Variants in SPATA13 observed in about 807,000 individuals in gnomAD.
SPATA13 encodes the protein spermatogenesis associated 13.
Under a neutral mutation model 104.0 loss-of-function variants are expected in SPATA13, and 50 were observed. That is an observed-to-expected ratio of 0.48 (90% CI 0.38 to 0.61). The LOEUF (loss-of-function observed/expected upper bound fraction) is 0.61, where lower values mean the gene tolerates loss of function less well. Among genes scored for constraint, SPATA13 ranks in the 20% least tolerant of loss-of-function variants. The probability of loss-of-function intolerance (pLI) is 0.00; values close to 1 mark genes in which losing one functional copy is unlikely to be tolerated. For missense variants in SPATA13, 1,524 were observed against 1,690.6 expected (o/e 0.90, Z 1.73); for synonymous variants, 606 against 667.5 (o/e 0.91, Z 1.42).
In SPATA13 at chr13:24,189,676, ATATATT is replaced by A. The variant is rs1869416523; in HGVS notation, c.-112+28750_-112+28755del. 2.0e-4 allele frequency among the ~76,000 whole-genome samples: 2 copies of A among 9,862 alleles called. 1 individual carries two copies. Among genetic ancestry groups the A allele is most frequent in the Non-Finnish European group, 0.012 (2 of 164 alleles). The allele number at this position is 9,862 out of a possible 152,430, so 6.5% of individuals were successfully genotyped here. A position where few individuals can be genotyped will look rare whatever the true frequency, so the allele number is the denominator to read the frequency against. On this transcript the variant is annotated intron_variant, in intron 1 of 12. Transcript: ENST00000382108. The stretch of plus-strand genomic sequence containing the variant: ...TATATATTATATATTTATATATTAT[ATATATT>A]TATATATAATATATAATATATTATA...
chr13:23,980,203 G>GA (rs1450971243), intron 1 of SPATA13, among the ~76,000 whole-genome samples: 1 of 152,150 alleles, frequency 6.6e-6, no homozygotes, highest in Non-Finnish European at 1.5e-5. Context: ...AAGAAGAAAA[G>GA]AAAAGTTGCC....
chr13:24,098,317 G>T (rs935773146), intron 3 of SPATA13, among the ~76,000 whole-genome samples: 3 of 152,198 alleles, frequency 2.0e-5, no homozygotes, highest in African/African-American at 7.2e-5. Context: ...CAACACTTTG[G>T]GAGGCTGAGG....
exon 1 of SPATA13, chr13:23,979,892 C>T (rs1360098706): frequency 6.6e-6 from 1 of 152,324 alleles, no homozygotes; most frequent in African/African-American, 2.4e-5. Flanking sequence ...CCTCCAAGGA[C>T]CCTCTGAGGA....
intron 3 of SPATA13, among the ~76,000 whole-genome samples, chr13:24,142,637 C>G (rs1323587603): frequency 1.3e-5 from 2 of 152,088 alleles, no homozygotes; most frequent in African/African-American, 4.8e-5. Context: ...TCTTCAACAA[C>G]TTTTTTCCTC....
chr13:24,026,055 G>A (rs572780072), intron 3 of SPATA13, among the ~76,000 whole-genome samples: 6 of 151,918 alleles, frequency 3.9e-5, no homozygotes, highest in African/African-American at 7.3e-5. Flanking sequence ...CACCTGCCTC[G>A]GCCTTCTAAA....
chr13:24,006,565 G>C (rs886476807), intron 2 of SPATA13, among the ~76,000 whole-genome samples: 1 of 152,204 alleles, frequency 6.6e-6, no homozygotes, highest in Non-Finnish European at 1.5e-5. Flanking sequence ...AGGCCAGGCC[G>C]GCCCAAGTAC....
At chr13:24,158,211 A>G (rs998678404), upstream of SPATA13, among the ~76,000 whole-genome samples, 4 of 152,216 alleles carry the variant, frequency 2.6e-5, no homozygotes, top group African/African-American at 4.8e-5. Context: ...AAAGATCAGC[A>G]GAGAAGAAAA....
chr13:24,220,865 A>G (rs753148353), intron 1 of SPATA13, among the ~76,000 whole-genome samples: 2 of 152,228 alleles, frequency 1.3e-5, no homozygotes, highest in African/African-American at 2.4e-5. Context: ...CATCAAGAAC[A>G]TGGGGCGTAG....
intron 3 of SPATA13, among the ~76,000 whole-genome samples, chr13:24,146,934 T>A (rs1280641817): frequency 2.0e-5 from 3 of 151,910 alleles, no homozygotes; most frequent in Non-Finnish European, 2.9e-5. Flanking sequence ...CAGGCATGAT[T>A]TTTTTTTCCT....
chr13:24,166,755 G>A (rs375540443), intron 1 of SPATA13, among the ~76,000 whole-genome samples: 126 of 152,282 alleles, frequency 8.3e-4, no homozygotes, highest in African/African-American at 2.9e-3. Flanking sequence ...TATGCTTCCT[G>A]GAGGCTCTGA....
chr13:24,283,839 T>C (rs1487754987), intron 4 of SPATA13, among the ~76,000 whole-genome samples: 1 of 152,240 alleles, frequency 6.6e-6, no homozygotes, highest in African/African-American at 2.4e-5. Context: ...GTTGTTAATA[T>C]CCAGTTTGGA....
chr13:24,137,283 C>T (rs1337065875), intron 3 of SPATA13, among the ~76,000 whole-genome samples: 1 of 152,166 alleles, frequency 6.6e-6, no homozygotes, highest in African/African-American at 2.4e-5. Flanking sequence ...ACATGGGCTC[C>T]AGCCCTGGGT....
chr13:24,182,110 TTTTCCTCTTTAGGAAGGA>T (rs1373404507), intron 1 of SPATA13, among the ~76,000 whole-genome samples: 5 of 152,330 alleles, frequency 3.3e-5, no homozygotes, highest in African/African-American at 9.6e-5. Context: ...TTTGGTTTTG[TTTTCCTCTTTAGGAAGGA>T]TCCTTGCATG....
intron 3 of SPATA13, among the ~76,000 whole-genome samples, chr13:24,082,870 A>T (rs1489219743): frequency 4.2e-5 from 6 of 144,306 alleles, no homozygotes; most frequent in Non-Finnish European, 7.6e-5. Flanking sequence ...TCTTTGCATT[A>T]TTCCCACTTA....
intron 2 of SPATA13, chr13:23,984,011 G>C: frequency 1.0e-6 from 1 of 956,012 alleles, no homozygotes; most frequent in African/African-American, 1.8e-5. Context: ...GAGTATTTCA[G>C]GCTGTTTGTG....
chr13:24,039,811 A>G (rs915099309), intron 3 of SPATA13, among the ~76,000 whole-genome samples: 9 of 152,202 alleles, frequency 5.9e-5, no homozygotes, highest in African/African-American at 2.2e-4. Flanking sequence ...AAGAACAGCT[A>G]TCAATGCTGT....
At position 24,051,200 on chromosome 13, in the gene SPATA13, G is replaced by A. The variant is rs1407681341; in HGVS notation, c.-112+33499G>A. ...CCTAGTTCTGCTCCCCAGTCTCCACGCAGCACATACCTTGTTGCAGTGGCC... is the reference window on the plus strand; with the variant it reads ...CCTAGTTCTGCTCCCCAGTCTCCACACAGCACATACCTTGTTGCAGTGGCC... On this transcript the variant is annotated intron_variant, in intron 3 of 14. Coordinates refer to the SPATA13 transcript ENST00000424834. The surrounding 1 kb of genome is among the most constrained non-coding windows in gnomAD (Gnocchi z 4.2). Among the ~76,000 whole-genome samples, 1 of 152,158 alleles carries A rather than the reference G, an allele frequency of 6.6e-6. No homozygotes were observed. Among genetic ancestry groups the A allele is most frequent in the Non-Finnish European group, 1.5e-5 (1 of 68,028 alleles).
In SPATA13 at chr13:24,107,827, C is replaced by T. The variant is rs77588305; in HGVS notation, c.-112+90126C>T. Among the ~76,000 whole-genome samples, 400 of 152,306 alleles carry T rather than the reference C, an allele frequency of 2.6e-3. 2 individuals are homozygous for T. The highest frequency in any genetic ancestry group is 4.7e-3 in the Non-Finnish European group (320 of 68,036). ...AATAAGATGTGTACTGCTCTATCGG[C>T]ACGTTAAATCTAGGTGGTAATTTTT... On this transcript the variant is annotated intron_variant, in intron 3 of 14. Coordinates refer to the SPATA13 transcript ENST00000424834.
chr13:24,092,780 C>A (rs562076520), intron 3 of SPATA13, among the ~76,000 whole-genome samples: 13 of 152,162 alleles, frequency 8.5e-5, no homozygotes, highest in Non-Finnish European at 1.5e-4. Context: ...AAGTAGATTT[C>A]TTAGCAGTCA....
Sources: gnomAD v4.1 joint callset for allele counts (sites outside exome capture counted in the v4.1 genomes callset) on GRCh38, gnomAD v4.1.1 for gene constraint, Gnocchi (gnomAD v3.1) non-coding constraint, MANE v1.5 for transcripts, NCBI Gene and HGNC (gene_info 2026-07-23, HGNC 2026-07-21) for gene names.